The following TBC1D30 variants were observed in gnomAD, a reference collection of about 807,000 sequenced individuals.
The protein encoded by TBC1D30 is TBC1 domain family member 30, also known as TBC1 domain family, member 30.
TBC1D30 carries 31 observed loss-of-function variants against 63.2 expected under a neutral mutation model. The ratio of observed to expected loss-of-function variants is 0.49; its 90% CI spans 0.37 to 0.66. The LOEUF (loss-of-function observed/expected upper bound fraction) is 0.66, where lower values mean the gene tolerates loss of function less well. TBC1D30 is among the 30% of genes least tolerant of loss of function. The pLI, the probability that TBC1D30 is intolerant of heterozygous loss-of-function variation, is 0.00. For synonymous variants in TBC1D30, 307 were observed against 361.5 expected (o/e 0.85, Z 1.71); for missense variants, 810 against 953.6 (o/e 0.85, Z 1.98).
chr12:64,848,148 C>G (rs886889737), intron 8 of TBC1D30, among the ~76,000 whole-genome samples: 2 of 151,816 alleles, frequency 1.3e-5, no homozygotes, highest in African/African-American at 4.8e-5. Flanking sequence ...CCTTCTTTGT[C>G]TCTTCTTAAT....
intron 2 of TBC1D30, among the ~76,000 whole-genome samples, chr12:64,806,117 G>A (rs1192633389): frequency 6.6e-6 from 1 of 152,238 alleles, no homozygotes; most frequent in African/African-American, 2.4e-5. Context: ...TGCTTCAGCT[G>A]TATGTACTGT....
intron 11 of TBC1D30, among the ~76,000 whole-genome samples, chr12:64,871,971 A>G (rs1326047222): frequency 6.6e-6 from 1 of 152,196 alleles, no homozygotes; most frequent in Non-Finnish European, 1.5e-5. Flanking sequence ...GGGATCAGCA[A>G]ACTGTGGTCT....
intron 8 of TBC1D30, among the ~76,000 whole-genome samples, chr12:64,848,635 TG>T (rs1876599714): frequency 6.6e-6 from 1 of 152,186 alleles, no homozygotes; most frequent in African/African-American, 2.4e-5. Flanking sequence ...TAGTATTCCA[TG>T]GTGTATATGT....
intron 5 of TBC1D30, 143 bp from the exon 6 acceptor site, chr12:64,836,346 TG>T: frequency 1.6e-6 from 1 of 608,776 alleles, no homozygotes; most frequent in Non-Finnish European, 2.7e-6. Context: ...CTTGTAAATC[TG>T]GAACATTTGG....
chr12:64,789,310 G>A (rs1210690151), intron 2 of TBC1D30, among the ~76,000 whole-genome samples: 2 of 150,492 alleles, frequency 1.3e-5, no homozygotes, highest in Non-Finnish European at 3.0e-5. Flanking sequence ...TCATCCTCCC[G>A]AGTAGCTGGA....
At chr12:64,842,888 C>T (rs79816083) in intron 7 of TBC1D30, among the ~76,000 whole-genome samples, 4,610 of 152,226 alleles carry the variant, frequency 0.03, 216 homozygotes, top group African/African-American at 0.11. Flanking sequence ...TTACCCAAAA[C>T]GAGTACCTCA....
rs116583892 is a variant in TBC1D30, at chr12:64,794,470, G to A, written c.643+8425G>A. 8.4e-3 allele frequency among the ~76,000 whole-genome samples: 1,269 copies of A among 151,552 alleles called. 11 individuals carry two copies. The highest frequency in any genetic ancestry group is 0.029 in the African/African-American group (1,206 of 41,292). ...TCTTTTTTTTTTGAGACAGGGTCTC[G>A]TCTGTTGCCCATGTTGGAGTGCAGT... On this transcript the variant is annotated intron_variant, in intron 2 of 12. Coordinates refer to the TBC1D30 transcript ENST00000542120.
At chr12:64,779,349 T>C (rs1871166995), upstream of TBC1D30, 1 of 152,218 alleles carries the variant, frequency 6.6e-6, no homozygotes, top group South Asian at 2.1e-4. Context: ...TAATGAATTC[T>C]ACTCTCATTT....
Position 64,763,342 on chromosome 12 carries a change from C to A in TBC1D30, c.-376+3693C>A, listed in dbSNP as rs559908037. ...ATTCACAAGTTGTCAATTTAATAGCCTATTTATTACTTTCATTTGCAGTTT... is the reference window on the plus strand; with the variant it reads ...ATTCACAAGTTGTCAATTTAATAGCATATTTATTACTTTCATTTGCAGTTT... On this transcript the variant is annotated intron_variant, in intron 1 of 13. Coordinates refer to the TBC1D30 transcript ENST00000674237. 2.6e-5 allele frequency among the ~76,000 whole-genome samples: 4 copies of A among 152,170 alleles called. No individual in the cohort carries two copies. The South Asian group carries it at 8.3e-4, about 32-fold the overall frequency.
intron 2 of TBC1D30, among the ~76,000 whole-genome samples, chr12:64,791,669 A>C (rs1409143761): frequency 4.6e-5 from 7 of 151,174 alleles, no homozygotes; most frequent in African/African-American, 1.7e-4. Context: ...GTGCCACCAC[A>C]CCTGGCTAAT....
At chr12:64,840,027 A>AAAAAAAAAAAAAAAAAAAAAAAAAAAAAC (rs1555171793) in intron 7 of TBC1D30, among the ~76,000 whole-genome samples, 7 of 145,892 alleles carry the variant, frequency 4.8e-5, no homozygotes, top group African/African-American at 1.8e-4. Flanking sequence ...AAAAAAAAAA[A>AAAAAAAAAAAAAAAAAAAAAAAAAAAAAC]ATCCACCAAC....
Position 64,780,941 on chromosome 12 carries a change from C to T in TBC1D30, c.133C>T (p.Leu45Phe), listed in dbSNP as rs1485662706. 7.6e-6 allele frequency: 8 copies of T among 1,057,684 alleles called. No individual in the cohort carries two copies. The Admixed American group carries it at 1.6e-4, about 22-fold the overall frequency. The allele number at this position is 1,057,684 out of a possible 1,614,324, so 65.5% of individuals were successfully genotyped here. A position where few individuals can be genotyped will look rare whatever the true frequency, so the allele number is the denominator to read the frequency against. Reference sequence around the variant, plus strand: ...TCCTGCAGCTCCCCCAGCCCCGCGCCTCCGGGGAGCGGCGGAGCGGCCGCG... The same window carrying T: ...TCCTGCAGCTCCCCCAGCCCCGCGCTTCCGGGGAGCGGCGGAGCGGCCGCG... The change falls in exon 1 of 13, where the codon CTC (leucine) becomes TTC (phenylalanine). Residue 45 changes from leucine (L) to phenylalanine (F), a missense_variant. Physicochemically the swap from Leu to Phe is conservative, Grantham distance 22 (BLOSUM62 0). Coordinates refer to the TBC1D30 transcript ENST00000542120.
intron 1 of TBC1D30, among the ~76,000 whole-genome samples, chr12:64,763,864 A>G (rs1870611837): frequency 6.6e-6 from 1 of 152,124 alleles, no homozygotes; most frequent in South Asian, 2.1e-4. Context: ...TCCTGACCTC[A>G]GGTGATCCAC....
chr12:64,864,447 C>G (rs1878045860), intron 8 of TBC1D30, among the ~76,000 whole-genome samples: 1 of 152,188 alleles, frequency 6.6e-6, no homozygotes, highest in Non-Finnish European at 1.5e-5. Context: ...GAATGCCCAG[C>G]TGCAGCTGGG....
intron 2 of TBC1D30, among the ~76,000 whole-genome samples, chr12:64,814,982 T>C (rs1873437317): frequency 6.6e-6 from 1 of 152,206 alleles, no homozygotes; most frequent in African/African-American, 2.4e-5. Flanking sequence ...GTGACTGACA[T>C]ACCATTAAAT....
intron 8 of TBC1D30, among the ~76,000 whole-genome samples, chr12:64,849,569 G>C (rs1410195532): frequency 6.6e-6 from 1 of 152,166 alleles, no homozygotes; most frequent in Admixed American, 6.5e-5. Context: ...GTTTTTCAAA[G>C]ATCAGATGGT....
chr12:64,843,576 T>G, intron 8 of TBC1D30, 91 bp downstream of exon 8: 1 of 920,288 alleles, frequency 1.1e-6, no homozygotes, highest in South Asian at 1.5e-5. Flanking sequence ...AGAAATGTGC[T>G]TGGTTAGCTG....
chr12:64,796,374 G>A (rs1384959008), intron 2 of TBC1D30, among the ~76,000 whole-genome samples: 1 of 151,892 alleles, frequency 6.6e-6, no homozygotes, highest in African/African-American at 2.4e-5. Context: ...GGAGTTTTTT[G>A]TTTGTTTTCT....
At chr12:64,850,137 T>C (rs1472460707) in intron 8 of TBC1D30, among the ~76,000 whole-genome samples, 1 of 152,240 alleles carries the variant, frequency 6.6e-6, no homozygotes, top group Non-Finnish European at 1.5e-5. Flanking sequence ...CCTGACACTT[T>C]GTTGAAGTTG....
Sources: gnomAD v4.1 joint callset for allele counts (sites outside exome capture counted in the v4.1 genomes callset) on GRCh38, gnomAD v4.1.1 for gene constraint, MANE v1.5 for transcripts, NCBI Gene and HGNC (gene_info 2026-07-23, HGNC 2026-07-21) for gene names.